The following WDR33 variants were observed in gnomAD, a reference collection of about 807,000 sequenced individuals.
The protein encoded by WDR33 is pre-mRNA 3' end processing protein WDR33.
WDR33 carries 47 observed loss-of-function variants against 164.9 expected under a neutral mutation model. The ratio of observed to expected loss-of-function variants is 0.29; its 90% CI spans 0.23 to 0.36. WDR33 has a LOEUF of 0.36. Among genes scored for constraint, WDR33 ranks in the 10% least tolerant of loss-of-function variants. WDR33 has a pLI of 1.00. For synonymous variants in WDR33, 505 were observed against 589.0 expected (o/e 0.86, Z 2.06); for missense variants, 1,137 against 1,754.1 (o/e 0.65, Z 6.28).
At chr2:127,807,947 A>C (rs1689497354) in intron 1 of WDR33, among the ~76,000 whole-genome samples, 4 of 152,214 alleles carry the variant, frequency 2.6e-5, no homozygotes. Flanking sequence ...CCTGGGTGAC[A>C]AAGTGAGACC....
intron 1 of WDR33, among the ~76,000 whole-genome samples, chr2:127,775,509 G>C (rs1483958091): frequency 2.6e-5 from 4 of 152,188 alleles, no homozygotes; most frequent in African/African-American, 9.7e-5. Context: ...AAATTTTTAA[G>C]GGACAGCAGA....
At position 127,703,515 on chromosome 2, in the gene WDR33, A is replaced by T. The variant is rs1286560589; in HGVS notation, c.*2808T>A. The T allele has an allele frequency of 1.8e-5, 3 of 167,238 alleles. No individual in the cohort carries two copies. In the East Asian group the frequency reaches 5.8e-4, roughly 32 times the overall value. The allele number at this position is 167,238 out of a possible 1,614,324, so 10.4% of individuals were successfully genotyped here. ...AGTCAGGTCCCTAAGCCCCGTCCCA[A>T]GAAGTGACACAAGTGGCCAACATCC... On this transcript the variant is annotated 3_prime_UTR_variant, in exon 22 of 22. Transcript: ENST00000322313.
chr2:127,735,847 C>G lies in WDR33; in HGVS notation c.725-9070G>C. ...GCAAAATGATTTCACCACAACCCAACAGTCAACATCAACTTGGAGTGATTA... is the reference window on the plus strand; with the variant it reads ...GCAAAATGATTTCACCACAACCCAAGAGTCAACATCAACTTGGAGTGATTA... On this transcript the variant is annotated intron_variant, in intron 7 of 21. Coordinates refer to ENST00000322313, the MANE Select transcript of WDR33 (RefSeq NM_018383.5). The surrounding 1 kb of genome is among the most constrained non-coding windows in gnomAD (Gnocchi z 4.3). The G allele has an allele frequency of 1.0e-6, 1 of 985,454 alleles. No individual in the cohort carries two copies. Among genetic ancestry groups the G allele is most frequent in the South Asian group, 4.7e-5 (1 of 21,290 alleles). 61.0% of individuals were successfully genotyped at this position (985,454 alleles called of 1,614,324 possible).
In WDR33 at chr2:127,709,003, G is replaced by A; in HGVS notation, c.3566-111C>T. 8.2e-7 allele frequency: 1 copy of A among 1,212,312 alleles called. No individual in the cohort carries two copies. The highest frequency in any genetic ancestry group is 1.1e-6 in the Non-Finnish European group (1 of 910,530). 75.1% of individuals were successfully genotyped at this position (1,212,312 alleles called of 1,614,324 possible). On this transcript the variant is annotated intron_variant, in intron 20 of 21. Transcript: ENST00000322313. This position sits in a 1 kb window ranked among gnomAD's most constrained non-coding sequence, Gnocchi z 5.0. ...TCGAGAGCCACCGTTCACTCATGCTGAATGCCCGCCAGAGGCCAAAGGGTA... is the reference window on the plus strand; with the variant it reads ...TCGAGAGCCACCGTTCACTCATGCTAAATGCCCGCCAGAGGCCAAAGGGTA...
chr2:127,726,706 T>C lies in WDR33; in HGVS notation c.796A>G (p.Ser266Gly). ...TCCCAGAACTTGATTGGCTGTTGAC[T>C]ATCTTTACTTCCTGAAACAACTAAC... ...KGLVVSGSKD[S>G]QQPIKFWDPK... Residue 266 changes from serine to glycine, a missense_variant, in exon 8 of 22, where the codon AGT becomes GGT. Physicochemically the swap from Ser to Gly is moderately conservative, Grantham distance 56 (BLOSUM62 0). Around this residue, in one of 9 missense-constraint regions of WDR33, gnomAD observed 83 missense variants for 189.2 expected, o/e 0.44. Coordinates refer to ENST00000322313, the MANE Select transcript of WDR33 (RefSeq NM_018383.5). This position sits in a 1 kb window ranked among gnomAD's most constrained non-coding sequence, Gnocchi z 4.8. The C allele has an allele frequency of 6.2e-7, 1 of 1,614,238 alleles. No homozygotes were observed. The highest frequency in any genetic ancestry group is 8.5e-7 in the Non-Finnish European group (1 of 1,180,036).
chr2:127,722,513 T>G lies in WDR33; in HGVS notation c.1518+78A>C. The G allele has an allele frequency of 3.4e-5, 52 of 1,551,788 alleles. No individual in the cohort carries two copies. Among genetic ancestry groups the G allele is most frequent in the Middle Eastern group, 1.7e-4 (1 of 5,798 alleles). Reference sequence around the variant, plus strand: ...TCCAGTACAGAAACACCTTCAACAGTGAGATAATCCAAGAGAAACCTCAAA... The same window carrying G: ...TCCAGTACAGAAACACCTTCAACAGGGAGATAATCCAAGAGAAACCTCAAA... On this transcript the variant is annotated intron_variant, in intron 14 of 21. Transcript: ENST00000322313. The surrounding 1 kb of genome is among the most constrained non-coding windows in gnomAD (Gnocchi z 5.1).
chr2:127,763,368 A>G lies in WDR33; in HGVS notation c.627-209T>C, dbSNP rs1425507407. The G allele has an allele frequency of 2.2e-6, 3 of 1,390,016 alleles. No homozygotes were observed. Among genetic ancestry groups the G allele is most frequent in the Non-Finnish European group, 2.8e-6 (3 of 1,071,834 alleles). 86.1% of individuals were successfully genotyped at this position (1,390,016 alleles called of 1,614,324 possible). A position where few individuals can be genotyped will look rare whatever the true frequency, so the allele number is the denominator to read the frequency against. On this transcript the variant is annotated intron_variant, in intron 6 of 21. Coordinates refer to ENST00000322313, the MANE Select transcript of WDR33 (RefSeq NM_018383.5). The surrounding 1 kb of genome is among the most constrained non-coding windows in gnomAD (Gnocchi z 4.5). ...CAACAGAGCAGTTGTTTGAGTTTTC[A>G]ATCATCAGTATTCTGAGAACTTCAA... is the stretch of plus-strand genomic sequence containing the variant.
At chr2:127,803,676 T>A (rs984168065) in intron 1 of WDR33, among the ~76,000 whole-genome samples, 1 of 152,062 alleles carries the variant, frequency 6.6e-6, no homozygotes, top group Non-Finnish European at 1.5e-5. Context: ...CCACCAAGCA[T>A]CCAAATCCTG....
chr2:127,707,998 C>G (rs753476505), intron 21 of WDR33, among the ~76,000 whole-genome samples: 1 of 152,204 alleles, frequency 6.6e-6, no homozygotes, highest in African/African-American at 2.4e-5. Context: ...ACCGTCCATA[C>G]AGACAGGCCA....
Position 127,720,266 on chromosome 2 carries a change from G to T in WDR33, c.1759C>A (p.Pro587Thr). Reference protein sequence around the residue: ...SSGTPLLGPQPFPGQGPMSQI... With the variant: ...SSGTPLLGPQTFPGQGPMSQI... The stretch of plus-strand genomic sequence containing the variant: ...GACATTGGACCTTGTCCTGGAAAAG[G>T]CTGGGGTCCGAGGAGAGGGGTGCCA... Residue 587 changes from proline to threonine, a missense_variant, in exon 16 of 22, where the codon CCT (proline) becomes ACT (threonine). Pro to Thr is a conservative substitution (Grantham distance 38, BLOSUM62 -1). Transcript: ENST00000322313. The surrounding 1 kb of genome is among the most constrained non-coding windows in gnomAD (Gnocchi z 5.9). 6.4e-7 allele frequency: 1 copy of T among 1,554,636 alleles called. No homozygotes were observed. Among genetic ancestry groups the T allele is most frequent in the Non-Finnish European group, 8.7e-7 (1 of 1,149,540 alleles).
chr2:127,736,618 C>T, intron 7 of WDR33: 1 of 985,302 alleles, frequency 1.0e-6, no homozygotes, highest in Non-Finnish European at 1.2e-6. Flanking sequence ...CATGGAAGAC[C>T]AACAAAGGCT....
In WDR33 at chr2:127,757,534, G is replaced by A. The variant is rs146060856; in HGVS notation, c.724+5528C>T. Among the ~76,000 whole-genome samples, 5 of 152,254 alleles carry A rather than the reference G, an allele frequency of 3.3e-5. 1 individual carries two copies. In the East Asian group the frequency reaches 5.8e-4, roughly 18 times the overall value. ...GGATACAGAATACAGGCAGCTAGCT[G>A]TAGTAAAATGGGTCCAGGTGGTTGT... is the stretch of plus-strand genomic sequence containing the variant. On this transcript the variant is annotated intron_variant, in intron 7 of 21. Coordinates refer to ENST00000322313, the MANE Select transcript of WDR33 (RefSeq NM_018383.5).
intron 1 of WDR33, among the ~76,000 whole-genome samples, chr2:127,786,065 CCTCT>C (rs1688554509): frequency 6.6e-6 from 1 of 152,106 alleles, no homozygotes; most frequent in African/African-American, 2.4e-5. Context: ...AGAGAGTCTC[CCTCT>C]GTCACCTAGC....
At chr2:127,711,778 A>ATTTTTTTTTTTTTTT (rs1375261650) in intron 18 of WDR33, among the ~76,000 whole-genome samples, 6 of 93,052 alleles carry the variant, frequency 6.4e-5, no homozygotes, top group South Asian at 4.2e-4. Context: ...ATATATATAT[A>ATTTTTTTTTTTTTTT]TATTTTTTTT....
chr2:127,810,551 C>G lies in WDR33; in HGVS notation c.-24+461G>C, dbSNP rs1242084293. 2.0e-5 allele frequency among the ~76,000 whole-genome samples: 3 copies of G among 152,184 alleles called. No homozygotes were observed. In the East Asian group the frequency reaches 5.8e-4, roughly 29 times the overall value. On this transcript the variant is annotated intron_variant, in intron 1 of 21. Transcript: ENST00000322313. ...TTTGCCTGTCAAGCTGTAGCCTCAT[C>G]CTTATAATAAGCACCGATTTCAAGC...
chr2:127,701,193 G>A lies in WDR33; in HGVS notation c.*5130C>T, dbSNP rs765791597. 1 of 201,582 alleles carries A rather than the reference G, an allele frequency of 5.0e-6. No homozygotes were observed. The highest frequency in any genetic ancestry group is 6.0e-5 in the Admixed American group (1 of 16,698). The allele number at this position is 201,582 out of a possible 1,614,324, so 12.5% of individuals were successfully genotyped here. ...CCATAAGACATTTCCGTCAGCAAAAGGGTCACTTCTTGTGCCCCTTTAGAA... is the reference window on the plus strand; with the variant it reads ...CCATAAGACATTTCCGTCAGCAAAAAGGTCACTTCTTGTGCCCCTTTAGAA... On this transcript the variant is annotated 3_prime_UTR_variant, in exon 22 of 22. Coordinates refer to ENST00000322313, the MANE Select transcript of WDR33 (RefSeq NM_018383.5).
intron 7 of WDR33, among the ~76,000 whole-genome samples, chr2:127,750,745 C>CATATATATACACAT (rs3991688): frequency 2.3e-4 from 18 of 78,204 alleles, no homozygotes; most frequent in Non-Finnish European, 3.6e-4. Context: ...TGTATGCATA[C>CATATATATACACAT]ATATATATGT....
At chr2:127,757,882 A>T (rs1376538380) in intron 7 of WDR33, among the ~76,000 whole-genome samples, 2 of 152,202 alleles carry the variant, frequency 1.3e-5, no homozygotes, top group Non-Finnish European at 2.9e-5. Context: ...GACAGCAGTC[A>T]TCTCATGTAG....
At position 127,706,862 on chromosome 2, in the gene WDR33, G is replaced by A. The variant is rs71414764; in HGVS notation, c.3782-310C>T. On this transcript the variant is annotated intron_variant, in intron 21 of 21. Coordinates refer to ENST00000322313, the MANE Select transcript of WDR33 (RefSeq NM_018383.5). The surrounding 1 kb of genome is among the most constrained non-coding windows in gnomAD (Gnocchi z 5.1). ...GGAGACCCGGGCCACACTGGGCCAT[G>A]TCCCAGGCCATGGGAAGTGTATCTG... 0.13 allele frequency among the ~76,000 whole-genome samples: 20,122 copies of A among 152,268 alleles called. 1,451 individuals carry two copies. Among genetic ancestry groups the A allele is most frequent in the South Asian group, 0.25 (1,210 of 4,830 alleles).
Sources: gnomAD v4.1 joint callset for allele counts (sites outside exome capture counted in the v4.1 genomes callset) on GRCh38, gnomAD v4.1.1 for gene constraint, gnomAD v4.1.1 regional missense constraint, Gnocchi (gnomAD v3.1) non-coding constraint, MANE v1.5 for transcripts, NCBI Gene and HGNC (gene_info 2026-07-23, HGNC 2026-07-21) for gene names.